Variants in DGKB observed in about 807,000 individuals in gnomAD.
DGKB encodes the protein diacylglycerol kinase beta.
DGKB carries 67 observed loss-of-function variants against 114.3 expected under a neutral mutation model. That is an observed-to-expected ratio of 0.59 (90% CI 0.48 to 0.72). The LOEUF is 0.72. DGKB is among the 30% of genes least tolerant of loss of function. The pLI is 0.00. For missense variants in DGKB, 907 were observed against 975.2 expected (o/e 0.93, Z 0.93); for synonymous variants, 398 against 323.1 (o/e 1.23, Z -2.49).
At chr7:14,686,941 C>T (rs892317104) in intron 9 of DGKB, among the ~76,000 whole-genome samples, 6 of 152,008 alleles carry the variant, frequency 3.9e-5, no homozygotes, top group Middle Eastern at 3.4e-3. Context: ...ATGTCTCCCT[C>T]CAGAGGAGAG....
chr7:14,795,531 T>G (rs1562555210), intron 2 of DGKB, among the ~76,000 whole-genome samples: 1 of 152,172 alleles, frequency 6.6e-6, no homozygotes, highest in Non-Finnish European at 1.5e-5. Flanking sequence ...AATTTGTCAG[T>G]GGAGCCCTGT....
chr7:14,703,402 T>C (rs1247535029), intron 6 of DGKB, among the ~76,000 whole-genome samples: 1 of 152,186 alleles, frequency 6.6e-6, no homozygotes, highest in Non-Finnish European at 1.5e-5. Context: ...TATATATAGA[T>C]AATGGGCATT....
At chr7:14,656,876 A>G (rs1394988322) in intron 13 of DGKB, among the ~76,000 whole-genome samples, 2 of 151,714 alleles carry the variant, frequency 1.3e-5, no homozygotes, top group Non-Finnish European at 1.5e-5. Context: ...ACAATTGTCT[A>G]CAACACTTGA....
chr7:14,665,417 A>C (rs1817862886), intron 13 of DGKB, among the ~76,000 whole-genome samples: 1 of 151,996 alleles, frequency 6.6e-6, no homozygotes, highest in African/African-American at 2.4e-5. Flanking sequence ...AGTAATGCAT[A>C]GTAGGCTTAG....
In DGKB at chr7:14,553,707, T is replaced by G. The variant is rs1448751277; in HGVS notation, c.1770+20505A>C. Among the ~76,000 whole-genome samples the G allele has an allele frequency of 2.0e-5, 3 of 152,092 alleles. No individual in the cohort carries two copies. The East Asian group carries it at 5.8e-4, about 29-fold the overall frequency. ...ATACATTGAATAATGCTATGAAACT[T>G]TAAAGATTACCCACAGTCCCACCAC... is the stretch of plus-strand genomic sequence containing the variant. On this transcript the variant is annotated intron_variant, in intron 20 of 25. Coordinates refer to ENST00000402815, the MANE Select transcript of DGKB (RefSeq NM_001350709.2).
chr7:14,900,996 T>A (rs1051571887), intron 1 of DGKB, among the ~76,000 whole-genome samples: 2 of 152,124 alleles, frequency 1.3e-5, no homozygotes, highest in Non-Finnish European at 2.9e-5. Flanking sequence ...CTGTCAAAAA[T>A]TTTTAACCAC....
chr7:14,970,061 A>C (rs530411652), intron 1 of DGKB, among the ~76,000 whole-genome samples: 1 of 152,312 alleles, frequency 6.6e-6, no homozygotes, highest in South Asian at 2.1e-4. Context: ...TGAAAGTGAA[A>C]ATTTATGGGA....
rs1407322344 is a variant in DGKB, at chr7:14,748,993, T to A, written c.168+4935A>T. Among the ~76,000 whole-genome samples, 6 of 152,296 alleles carry A rather than the reference T, an allele frequency of 3.9e-5. No homozygotes were observed. The East Asian group carries it at 1.2e-3, about 29-fold the overall frequency. On this transcript the variant is annotated intron_variant, in intron 4 of 25. Transcript: ENST00000402815. ...AACTCTGATGAAATTAACTAGATAATAATTTAAATTAATCAGAGTTTTTTT... is the reference window on the plus strand; with the variant it reads ...AACTCTGATGAAATTAACTAGATAAAAATTTAAATTAATCAGAGTTTTTTT...
At chr7:14,170,142 AAAAAAAGAAAGAAAG>A (rs1298617722) in intron 25 of DGKB, among the ~76,000 whole-genome samples, 5 of 123,490 alleles carry the variant, frequency 4.0e-5, no homozygotes, top group African/African-American at 1.7e-4. Flanking sequence ...CTCAAAAAAA[AAAAAAAGAAAGAAAG>A]AAAGAAAGAA....
At chr7:14,169,760 TA>T (rs1274665161) in intron 25 of DGKB, among the ~76,000 whole-genome samples, 2 of 152,072 alleles carry the variant, frequency 1.3e-5, no homozygotes, top group Admixed American at 6.6e-5. Flanking sequence ...ATGTATTACA[TA>T]AAAATAAATA....
intron 15 of DGKB, among the ~76,000 whole-genome samples, chr7:14,618,533 T>C (rs1333428620): frequency 6.6e-6 from 1 of 151,666 alleles, no homozygotes; most frequent in Non-Finnish European, 1.5e-5. Flanking sequence ...GAGAGCCATC[T>C]GTAATTTTAT....
chr7:14,761,734 C>G (rs1282418770), intron 2 of DGKB, among the ~76,000 whole-genome samples: 2 of 152,138 alleles, frequency 1.3e-5, no homozygotes, highest in Non-Finnish European at 2.9e-5. Flanking sequence ...AGGCAAGCAG[C>G]CAGCCAGGCA....
At chr7:14,242,532 G>C (rs1793830497) in intron 23 of DGKB, among the ~76,000 whole-genome samples, 2 of 152,144 alleles carry the variant, frequency 1.3e-5, no homozygotes, top group African/African-American at 4.8e-5. Context: ...ATCTAGGTCA[G>C]AATTCATTCA....
At chr7:14,893,712 T>A (rs1781664680) in intron 1 of DGKB, among the ~76,000 whole-genome samples, 1 of 151,330 alleles carries the variant, frequency 6.6e-6, no homozygotes, top group Non-Finnish European at 1.5e-5. Flanking sequence ...TCTAGGTATA[T>A]CTTGAGAATT....
intron 2 of DGKB, among the ~76,000 whole-genome samples, chr7:14,775,925 G>C (rs1164115262): frequency 6.6e-6 from 1 of 152,118 alleles, no homozygotes; most frequent in Non-Finnish European, 1.5e-5. Context: ...GAGGCTGGAA[G>C]AATTTGGAGG....
intron 13 of DGKB, among the ~76,000 whole-genome samples, chr7:14,653,168 G>T (rs1207724911): frequency 3.3e-5 from 5 of 149,286 alleles, no homozygotes; most frequent in Admixed American, 6.7e-5. Context: ...TATACCCAAA[G>T]GACTATAAAT....
intron 1 of DGKB, among the ~76,000 whole-genome samples, chr7:14,913,045 C>G (rs571309266): frequency 6.0e-4 from 92 of 152,220 alleles, no homozygotes; most frequent in African/African-American, 2.2e-3. Flanking sequence ...CCTTCAGTTT[C>G]ATCAAGAAAG....
At chr7:14,716,244 C>T (rs548716315) in intron 6 of DGKB, among the ~76,000 whole-genome samples, 9 of 152,214 alleles carry the variant, frequency 5.9e-5, no homozygotes, top group East Asian at 1.9e-4. Flanking sequence ...CAATAGCATC[C>T]GCATCACCTG....
rs574147799 is a variant in DGKB, at chr7:14,672,464, T to A, written c.1134+465A>T. Among the ~76,000 whole-genome samples, 235 of 152,024 alleles carry A rather than the reference T, an allele frequency of 1.5e-3. 9 individuals carry two copies. In the South Asian group the frequency reaches 0.037, roughly 24 times the overall value. ...TTATTGTTCAATAAAATTTTTTTTT[T>A]AAAAAACAGCTAATAGCAGTGCATA... On this transcript the variant is annotated intron_variant, in intron 13 of 25. Transcript: ENST00000402815.
Sources: allele counts gnomAD v4.1 joint callset (sites outside exome capture counted in the v4.1 genomes callset), GRCh38; gene constraint gnomAD v4.1.1; transcripts MANE v1.5; gene names NCBI Gene and HGNC (gene_info 2026-07-23, HGNC 2026-07-21).